DPP6: variants seen among roughly 807,000 people sequenced by gnomAD.
The protein encoded by DPP6 is A-type potassium channel modulatory protein DPP6.
DPP6 carries 69 observed loss-of-function variants against 122.6 expected under a neutral mutation model. That is an observed-to-expected ratio of 0.56 (90% CI 0.46 to 0.69). The LOEUF is 0.69. Ranked by LOEUF, DPP6 falls within the 30% of genes least tolerant of loss-of-function variation. DPP6 has a pLI of 0.00. For synonymous variants in DPP6, 418 were observed against 433.1 expected, an observed-to-expected ratio of 0.97 and a Z score of 0.43; for missense variants, 928 against 1,116.9, an observed-to-expected ratio of 0.83 and a Z score of 2.41.
intron 1 of DPP6, among the ~76,000 whole-genome samples, chr7:153,964,650 C>A (rs1009085363): frequency 6.6e-6 from 1 of 152,132 alleles, no homozygotes; most frequent in Non-Finnish European, 1.5e-5. Context: ...GTTGGGCCAC[C>A]GGCGCCAACA....
upstream of DPP6, among the ~76,000 whole-genome samples, chr7:153,886,281 G>A (rs1183093046): frequency 6.6e-6 from 1 of 152,064 alleles, no homozygotes; most frequent in Non-Finnish European, 1.5e-5. Flanking sequence ...GGAGCCAACC[G>A]CGTTTGTGAA....
In DPP6 at chr7:154,647,687, G is replaced by A. The variant is rs533618901; in HGVS notation, c.680+9814G>A. Among the ~76,000 whole-genome samples, 8 of 152,282 alleles carry A rather than the reference G, an allele frequency of 5.3e-5. No individual in the cohort carries two copies. The South Asian group carries it at 8.3e-4, about 16-fold the overall frequency. On this transcript the variant is annotated intron_variant, in intron 6 of 25. Transcript: ENST00000377770. ...GGGAATCTGTGCTTCAGACAGACAC[G>A]CCAGATGTTACAGGTCACTGCATCT...
the DPP6 span, among the ~76,000 whole-genome samples, chr7:153,786,992 C>T: frequency 6.8e-6 from 1 of 146,228 alleles, no homozygotes; most frequent in South Asian, 2.2e-4. Context: ...CGCTCTGTCG[C>T]CCGGGCTGGA....
chr7:153,914,233 C>T (rs1056424628), intron 1 of DPP6, among the ~76,000 whole-genome samples: 3 of 152,156 alleles, frequency 2.0e-5, no homozygotes, highest in South Asian at 2.1e-4. Context: ...CCATGGAAGA[C>T]GTGCCTTTTG....
Position 154,205,858 on chromosome 7 carries a change from C to T in DPP6, c.243+152795C>T, listed in dbSNP as rs1799419986. On this transcript the variant is annotated intron_variant, in intron 1 of 25. Transcript: ENST00000377770. ...GCCACAAAGGGGATTCTCAGCCATC[C>T]CAGCCTTTGTGGGCACTGGAGCAGC... Among the ~76,000 whole-genome samples, 3 of 152,274 alleles carry T rather than the reference C, an allele frequency of 2.0e-5. 1 individual carries two copies. In the South Asian group the frequency reaches 6.2e-4, roughly 32 times the overall value.
intron 7 of DPP6, among the ~76,000 whole-genome samples, chr7:154,715,144 G>A (rs1841410341): frequency 6.6e-6 from 1 of 152,102 alleles, no homozygotes; most frequent in South Asian, 2.1e-4. Flanking sequence ...TCAACTCACT[G>A]CAACCTCTGC....
chr7:154,727,710 G>A, intron 7 of DPP6, 57 bp from the exon 8 acceptor site: 3 of 1,522,462 alleles, frequency 2.0e-6, no homozygotes, highest in Non-Finnish European at 2.7e-6. Context: ...TTTAAGAACA[G>A]CCTATTTATA....
intron 16 of DPP6, among the ~76,000 whole-genome samples, chr7:154,847,155 G>A (rs1802007800): frequency 6.6e-6 from 1 of 152,176 alleles, no homozygotes; most frequent in Non-Finnish European, 1.5e-5. Context: ...CATGGATATT[G>A]CTAAGCTGTT....
chr7:154,855,583 T>G (rs998509470), intron 17 of DPP6, among the ~76,000 whole-genome samples: 1 of 152,156 alleles, frequency 6.6e-6, no homozygotes, highest in Admixed American at 6.5e-5. Flanking sequence ...TGCCTGGGTC[T>G]CTCACCTCCC....
intron 2 of DPP6, among the ~76,000 whole-genome samples, chr7:154,464,030 C>T (rs76813796): frequency 1.4e-4 from 22 of 152,276 alleles, no homozygotes; most frequent in East Asian, 9.7e-4. Context: ...CCAAGACTTG[C>T]GCAGGAATTG....
Position 154,198,234 on chromosome 7 carries a change from G to A in DPP6, c.243+145171G>A, listed in dbSNP as rs554851765. ...TTGCCTTGAGGCTTAGTCACCCTTC[G>A]CCCATTCTGTCTTACTACTACAGAG... On this transcript the variant is annotated intron_variant, in intron 1 of 25. Transcript: ENST00000377770. Among the ~76,000 whole-genome samples, 176 of 152,236 alleles carry A rather than the reference G, an allele frequency of 1.2e-3. 1 individual carries two copies. Among genetic ancestry groups the A allele is most frequent in the African/African-American group, 3.8e-3 (159 of 41,530 alleles).
chr7:154,495,741 A>T lies in DPP6; in HGVS notation c.457+20704A>T, dbSNP rs376460398. On this transcript the variant is annotated intron_variant, in intron 3 of 25. Coordinates refer to ENST00000377770, the MANE Select transcript of DPP6 (RefSeq NM_130797.4). The stretch of plus-strand genomic sequence containing the variant: ...TCTACATAAAAAGTTATTTGCAGGA[A>T]CCAGTGCGGGGAGGTAAGAATGACT... 9.6e-4 allele frequency among the ~76,000 whole-genome samples: 146 copies of T among 152,240 alleles called. 1 individual carries two copies. Among genetic ancestry groups the T allele is most frequent in the African/African-American group, 3.3e-3 (139 of 41,546 alleles).
intron 5 of DPP6, among the ~76,000 whole-genome samples, chr7:154,637,080 G>A (rs28572534): frequency 0.014 from 2,090 of 152,254 alleles, 44 homozygotes; most frequent in African/African-American, 0.048. Flanking sequence ...TTCTTGAACC[G>A]CCATCTTCTC....
intron 3 of DPP6, among the ~76,000 whole-genome samples, chr7:154,490,749 C>T (rs976162837): frequency 2.6e-5 from 4 of 152,144 alleles, no homozygotes; most frequent in Non-Finnish European, 5.9e-5. Flanking sequence ...TCCATGCTAG[C>T]TGCTTGGGAA....
chr7:154,441,966 A>G (rs1464980930), intron 1 of DPP6, among the ~76,000 whole-genome samples: 1 of 152,232 alleles, frequency 6.6e-6, no homozygotes, highest in Non-Finnish European at 1.5e-5. Flanking sequence ...AAAAATAAGT[A>G]TGAGCAGCAG....
chr7:154,783,439 C>G (rs1797148731), intron 10 of DPP6, among the ~76,000 whole-genome samples: 2 of 152,122 alleles, frequency 1.3e-5, no homozygotes, highest in Non-Finnish European at 1.5e-5. Flanking sequence ...ATGCAGACAC[C>G]AACAGGTTTA....
the DPP6 span, among the ~76,000 whole-genome samples, chr7:153,785,092 CTGTT>C: frequency 3.3e-5 from 5 of 152,182 alleles, no homozygotes; most frequent in South Asian, 2.1e-4. Flanking sequence ...TACTGTTTTT[CTGTT>C]TGTTTGTTTT....
In DPP6 at chr7:154,624,904, T is replaced by C. The variant is rs879741057; in HGVS notation, c.628-12917T>C. On this transcript the variant is annotated intron_variant, in intron 5 of 25. Coordinates refer to ENST00000377770, the MANE Select transcript of DPP6 (RefSeq NM_130797.4). This position sits in a 1 kb window ranked among gnomAD's most constrained non-coding sequence, Gnocchi z 4.7. Reference sequence around the variant, plus strand: ...TTCAGGGCTGAGCATATGACCAACATTTTACATTTCAGAGTTGGCTCCCAC... The same window carrying C: ...TTCAGGGCTGAGCATATGACCAACACTTTACATTTCAGAGTTGGCTCCCAC... Among the ~76,000 whole-genome samples, 10 of 152,144 alleles carry C rather than the reference T, an allele frequency of 6.6e-5. No individual in the cohort carries two copies. The highest frequency in any genetic ancestry group is 5.9e-4 in the Admixed American group (9 of 15,264).
chr7:154,881,119 A>G, intron 21 of DPP6, 177 bp downstream of exon 21: 1 of 1,106,840 alleles, frequency 9.0e-7, no homozygotes, highest in Non-Finnish European at 1.2e-6. Flanking sequence ...TCATTTGATC[A>G]GCTCATTTTC....
Sources: allele counts gnomAD v4.1 joint callset (sites outside exome capture counted in the v4.1 genomes callset), GRCh38; gene constraint gnomAD v4.1.1; non-coding constraint Gnocchi (gnomAD v3.1); transcripts MANE v1.5; gene names NCBI Gene and HGNC (gene_info 2026-07-23, HGNC 2026-07-21).